Variants in OR2A25 observed in about 807,000 individuals in gnomAD.
OR2A25 encodes the protein olfactory receptor 2A25.
For missense variants in OR2A25, 362 were observed against 368.3 expected, an observed-to-expected ratio of 0.98 and a Z score of 0.14; for synonymous variants, 162 against 148.1, an observed-to-expected ratio of 1.09 and a Z score of -0.68.
At position 144,074,608 on chromosome 7, in the gene OR2A25, G is replaced by A. The variant is rs535176961; in HGVS notation, c.389G>A (p.Arg130Gln). Residue 130 changes from arginine (R) to glutamine (Q), a missense_variant, in exon 2 of 2, where the codon CGA (arginine) becomes CAA (glutamine). Arg to Gln is a conservative substitution (Grantham distance 43). Coordinates refer to ENST00000641663, the MANE Select transcript of OR2A25 (RefSeq NM_001386096.1). ...TACGTGGCCATCTGCCACCCTCTCC[G>A]ATATTCTACCATCATGACCTGGAAA... ...DRYVAICHPL[R>Q]YSTIMTWKVC... 1.2e-5 allele frequency: 20 copies of A among 1,614,010 alleles called. No individual in the cohort carries two copies. In the Admixed American group the frequency reaches 2.5e-4, roughly 20 times the overall value.
chr7:144,070,978 A>G (rs891078459), intron 1 of OR2A25, among the ~76,000 whole-genome samples: 1 of 151,992 alleles, frequency 6.6e-6, no homozygotes, highest in African/African-American at 2.4e-5. Context: ...ATCCAATTAC[A>G]TTCTTTAATG....
At chr7:144,073,135 A>T (rs2051079804) in intron 1 of OR2A25, among the ~76,000 whole-genome samples, 1 of 152,154 alleles carries the variant, frequency 6.6e-6, no homozygotes, top group South Asian at 2.1e-4. Context: ...GAGTACAAAC[A>T]TATGGTTTCA....
chr7:144,069,955 A>C (rs1380105840), intron 1 of OR2A25, 59 bp downstream of exon 1: 1 of 152,110 alleles, frequency 6.6e-6, no homozygotes, highest in Non-Finnish European at 1.5e-5. Flanking sequence ...GGGAATCTGT[A>C]ATGTATGAAG....
rs200681773 is a variant in OR2A25, at chr7:144,074,766, G to T, written c.547G>T (p.Val183Phe). ...TCACTTTTTCTGTGAAATTATGGCT[G>T]TTCTCAAACTTGCCTGTGCGGATAC... Reference protein sequence around the residue: ...LNHFFCEIMAVLKLACADTHI... With the variant: ...LNHFFCEIMAFLKLACADTHI... Residue 183 changes from valine to phenylalanine, a missense_variant, in exon 2 of 2, where the codon GTT becomes TTT. Transcript: ENST00000641663. 1.6e-4 allele frequency: 254 copies of T among 1,614,074 alleles called. 1 individual carries two copies. The highest frequency in any genetic ancestry group is 9.9e-4 in the Middle Eastern group (6 of 6,084).
chr7:144,070,354 G>C (rs1235290041), intron 1 of OR2A25: 2 of 151,894 alleles, frequency 1.3e-5, no homozygotes, highest in East Asian at 3.9e-4. Context: ...TATCCACCTT[G>C]TTTTCTCATT....
chr7:144,074,090 T>C, intron 1 of OR2A25, 126 bp from the exon 2 acceptor site: 5 of 858,520 alleles, frequency 5.8e-6, no homozygotes, highest in Non-Finnish European at 9.2e-6. Context: ...AGTAAGTGAC[T>C]AAGATCAAAA....
Position 144,070,566 on chromosome 7 carries a change from A to G in OR2A25, c.-5+670A>G, listed in dbSNP as rs189609410. Among the ~76,000 whole-genome samples the G allele has an allele frequency of 2.9e-3, 437 of 152,094 alleles. 1 individual carries two copies. The highest frequency in any genetic ancestry group is 5.3e-3 in the Non-Finnish European group (362 of 67,972). On this transcript the variant is annotated intron_variant, in intron 1 of 1. Transcript: ENST00000641663. The stretch of plus-strand genomic sequence containing the variant: ...CTTTCAGATATACCTAATGTAGATA[A>G]TTTATTTTGATGCTTTTGGTGTTGA...
rs774056548 is a variant in OR2A25, at chr7:144,075,172, A to C, written c.*20A>C. 1.3e-6 allele frequency: 2 copies of C among 1,562,464 alleles called. No homozygotes were observed. The highest frequency in any genetic ancestry group is 2.7e-5 in the African/African-American group (2 of 73,102). On this transcript the variant is annotated 3_prime_UTR_variant, in exon 2 of 2. Transcript: ENST00000641663. Reference sequence around the variant, plus strand: ...TCATGAAAGCCTGAAAGAATAGTAAAATAGCTGGCTTCAAAGGGCTTTGAG... The same window carrying C: ...TCATGAAAGCCTGAAAGAATAGTAACATAGCTGGCTTCAAAGGGCTTTGAG...
In OR2A25 at chr7:144,074,512, C is replaced by T. The variant is rs1468088105; in HGVS notation, c.293C>T (p.Thr98Ile). The change falls in exon 2 of 2, where the codon ACC becomes ATC. Residue 98 changes from threonine to isoleucine, a missense_variant. Transcript: ENST00000641663. ...AKPISFAGCM[T>I]QMFLFLSFAH... is the part of the protein sequence containing the mutation. The stretch of plus-strand genomic sequence containing the variant: ...CCCATCTCCTTTGCTGGCTGCATGA[C>T]CCAGATGTTTCTGTTTTTGAGTTTT... 1 of 1,614,214 alleles carries T rather than the reference C, an allele frequency of 6.2e-7. No homozygotes were observed.
At chr7:144,071,470 G>T (rs1031997586) in intron 1 of OR2A25, among the ~76,000 whole-genome samples, 1 of 152,084 alleles carries the variant, frequency 6.6e-6, no homozygotes, top group Non-Finnish European at 1.5e-5. Context: ...TGTAAACAGT[G>T]CTGCAACATA....
At chr7:144,071,641 T>C (rs1327353454) in intron 1 of OR2A25, among the ~76,000 whole-genome samples, 2 of 152,148 alleles carry the variant, frequency 1.3e-5, no homozygotes, top group Non-Finnish European at 2.9e-5. Context: ...AGCTAAGACA[T>C]GTAGCAGGAC....
intron 1 of OR2A25, among the ~76,000 whole-genome samples, chr7:144,070,630 G>C (rs1919949): frequency 0.32 from 49,194 of 151,612 alleles, 8,709 homozygotes; most frequent in African/African-American, 0.44. Context: ...AGTTGTTTGT[G>C]GGGGGTTGCC....
rs2051053023 is a variant in OR2A25, at chr7:144,069,893, G to A, written c.-8G>A. 6.6e-6 allele frequency: 1 copy of A among 152,122 alleles called. No individual in the cohort carries two copies. The highest frequency in any genetic ancestry group is 1.5e-5 in the Non-Finnish European group (1 of 67,996). 9.4% of individuals were successfully genotyped at this position (152,122 alleles called of 1,614,324 possible). On this transcript the variant is annotated 5_prime_UTR_variant, in exon 1 of 2. Transcript: ENST00000641663. The stretch of plus-strand genomic sequence containing the variant: ...CCCTAAAAACAAGTGAATCTATTTG[G>A]AAGGTTAGTAGGTGGGGATATTTTG...
chr7:144,075,251 C>T lies in OR2A25; in HGVS notation c.*99C>T. On this transcript the variant is annotated 3_prime_UTR_variant, in exon 2 of 2. Coordinates refer to ENST00000641663, the MANE Select transcript of OR2A25 (RefSeq NM_001386096.1). The stretch of plus-strand genomic sequence containing the variant: ...ATACATAATCACACTCTAGAGAACC[C>T]TTTCCATCTTCTTGAAATTTTCCTA... 2 of 871,204 alleles carry T rather than the reference C, an allele frequency of 2.3e-6. No homozygotes were observed. The highest frequency in any genetic ancestry group is 4.8e-5 in the Admixed American group (2 of 41,910). 54.0% of individuals were successfully genotyped at this position (871,204 alleles called of 1,614,324 possible).
In OR2A25 at chr7:144,074,767, T is replaced by C. The variant is rs764761086; in HGVS notation, c.548T>C (p.Val183Ala). The change falls in exon 2 of 2, where the codon GTT (valine) becomes GCT (alanine). Residue 183 changes from valine (V) to alanine (A), a missense_variant. Transcript: ENST00000641663. The stretch of plus-strand genomic sequence containing the variant: ...CACTTTTTCTGTGAAATTATGGCTG[T>C]TCTCAAACTTGCCTGTGCGGATACC... ...LNHFFCEIMAVLKLACADTHI... is the reference protein window; with the variant it reads ...LNHFFCEIMAALKLACADTHI... The C allele has an allele frequency of 1.9e-6, 3 of 1,614,184 alleles. No homozygotes were observed. The highest frequency in any genetic ancestry group is 2.5e-6 in the Non-Finnish European group (3 of 1,180,030).
At position 144,073,442 on chromosome 7, in the gene OR2A25, A is replaced by G. The variant is rs139954660; in HGVS notation, c.-4-774A>G. ...AAAAATATATATACAAATAAATAATATAAATACACATTTATAGTATAAGAA... is the reference window on the plus strand; with the variant it reads ...AAAAATATATATACAAATAAATAATGTAAATACACATTTATAGTATAAGAA... On this transcript the variant is annotated intron_variant, in intron 1 of 1. Coordinates refer to ENST00000641663, the MANE Select transcript of OR2A25 (RefSeq NM_001386096.1). Among the ~76,000 whole-genome samples the G allele has an allele frequency of 9.3e-3, 1,406 of 151,898 alleles. 12 individuals are homozygous for G. Among genetic ancestry groups the G allele is most frequent in the Middle Eastern group, 0.021 (6 of 286 alleles).
chr7:144,073,024 G>A (rs2051078674), intron 1 of OR2A25, among the ~76,000 whole-genome samples: 1 of 152,074 alleles, frequency 6.6e-6, no homozygotes, highest in Admixed American at 6.6e-5. Context: ...ACTTATATGT[G>A]GGAGCTAAAA....
intron 1 of OR2A25, among the ~76,000 whole-genome samples, chr7:144,071,785 G>T (rs1397042429): frequency 1.3e-5 from 2 of 152,034 alleles, no homozygotes; most frequent in Admixed American, 6.6e-5. Context: ...TTTAAAAGTA[G>T]CATTGTTATC....
At chr7:144,070,673 T>C (rs907226450) in intron 1 of OR2A25, among the ~76,000 whole-genome samples, 1 of 152,178 alleles carries the variant, frequency 6.6e-6, no homozygotes, top group Admixed American at 6.6e-5. Context: ...AATTAAGTAG[T>C]GGTTTTATAG....
Sources: allele counts gnomAD v4.1 joint callset (sites outside exome capture counted in the v4.1 genomes callset), GRCh38; gene constraint gnomAD v4.1.1; transcripts MANE v1.5; gene names NCBI Gene and HGNC (gene_info 2026-07-23, HGNC 2026-07-21).